DAB1: variants seen among roughly 807,000 people sequenced by gnomAD.
DAB1 encodes the protein disabled homolog 1.
A neutral mutation model predicts 64.6 loss-of-function variants in DAB1; 15 were observed. The ratio of observed to expected loss-of-function variants is 0.23; its 90% CI spans 0.16 to 0.36. DAB1 has a LOEUF of 0.36. Ranked by LOEUF, DAB1 falls within the 10% of genes least tolerant of loss-of-function variation. DAB1 has a pLI of 1.00. For synonymous variants in DAB1, 235 were observed against 251.9 expected (o/e 0.93, Z 0.64); for missense variants, 596 against 706.7 (o/e 0.84, Z 1.78).
intron 7 of DAB1, among the ~76,000 whole-genome samples, chr1:57,481,991 A>G (rs1202182940): frequency 6.6e-6 from 1 of 152,076 alleles, no homozygotes; most frequent in Non-Finnish European, 1.5e-5. Context: ...TTTTTAGGAT[A>G]CATTTGTTTT....
chr1:58,048,857 T>A, intron 5 of DAB1: 1 of 990,176 alleles, frequency 1.0e-6, no homozygotes, highest in Non-Finnish European at 1.6e-6. Flanking sequence ...GCAAAGCCCC[T>A]TTTTCTTTGC....
chr1:57,806,544 GC>G (rs1651371995), intron 6 of DAB1, among the ~76,000 whole-genome samples: 1 of 152,144 alleles, frequency 6.6e-6, no homozygotes, highest in South Asian at 2.1e-4. Flanking sequence ...TCTCCTCACT[GC>G]CCTCAAAAGA....
chr1:57,723,035 A>G (rs867781992), intron 6 of DAB1, among the ~76,000 whole-genome samples: 22 of 152,306 alleles, frequency 1.4e-4, no homozygotes, highest in African/African-American at 5.1e-4. Flanking sequence ...CTGCTGGATA[A>G]AAACCAAGCT....
At chr1:58,049,444 A>AG in intron 5 of DAB1, 2 of 346,862 alleles carry the variant, frequency 5.8e-6, no homozygotes, top group Non-Finnish European at 1.1e-5. Context: ...CCACATTGAA[A>AG]GGTTCTATGG....
intron 3 of DAB1, among the ~76,000 whole-genome samples, chr1:58,455,105 G>A (rs1045173212): frequency 2.0e-5 from 3 of 152,258 alleles, no homozygotes; most frequent in Non-Finnish European, 4.4e-5. Flanking sequence ...GCCGCTCTGA[G>A]TGAGAGCAAG....
intron 6 of DAB1, among the ~76,000 whole-genome samples, chr1:57,778,033 C>T (rs2101839109): frequency 6.6e-6 from 1 of 152,208 alleles, no homozygotes; most frequent in Non-Finnish European, 1.5e-5. Flanking sequence ...ATGGAGTCTT[C>T]ATTGAAATAT....
intron 6 of DAB1, among the ~76,000 whole-genome samples, chr1:57,794,706 T>G (rs1179958266): frequency 6.6e-6 from 1 of 152,186 alleles, no homozygotes; most frequent in Admixed American, 6.5e-5. Context: ...CCCAAGAAAA[T>G]AGTGACCATA....
intron 3 of DAB1, among the ~76,000 whole-genome samples, chr1:58,491,726 A>G (rs1160740892): frequency 6.6e-6 from 1 of 152,232 alleles, no homozygotes; most frequent in South Asian, 2.1e-4. Flanking sequence ...TATCCTAAAT[A>G]TATATGCACC....
intron 4 of DAB1, among the ~76,000 whole-genome samples, chr1:58,217,281 A>G (rs1658906670): frequency 1.3e-5 from 2 of 152,182 alleles, no homozygotes; most frequent in Non-Finnish European, 2.9e-5. Flanking sequence ...TTCTCAGACT[A>G]CAGGTGAGTA....
intron 3 of DAB1, among the ~76,000 whole-genome samples, chr1:58,352,420 C>T (rs1441304746): frequency 1.3e-5 from 2 of 152,068 alleles, no homozygotes; most frequent in African/African-American, 2.4e-5. Context: ...TAGTCACCTG[C>T]TAATATGGTC....
intron 7 of DAB1, among the ~76,000 whole-genome samples, chr1:57,634,664 T>C (rs1214000669): frequency 1.3e-5 from 2 of 152,214 alleles, no homozygotes; most frequent in South Asian, 2.1e-4. Flanking sequence ...AAATGTTTAT[T>C]GTGCATCTTT....
chr1:58,118,469 CATATAT>C lies in DAB1; in HGVS notation n.387+32036_387+32041del, dbSNP rs370100684. Among the ~76,000 whole-genome samples, 49 of 22,036 alleles carry C rather than the reference CATATAT, an allele frequency of 2.2e-3. 1 individual carries two copies. The East Asian group carries it at 0.025, about 11-fold the overall frequency. The allele number at this position is 22,036 out of a possible 152,430, so 14.5% of individuals were successfully genotyped here. A position where few individuals can be genotyped will look rare whatever the true frequency, so the allele number is the denominator to read the frequency against. On this transcript the variant is annotated intron_variant and non_coding_transcript_variant, in intron 5 of 20. Coordinates refer to the DAB1 transcript ENST00000485760. ...CATGATGCCAGGCACTATCCTAAGG[CATATAT>C]ATATATATATATATATATATATATA...
chr1:58,033,721 A>T (rs1198241360), intron 5 of DAB1, among the ~76,000 whole-genome samples: 1 of 152,170 alleles, frequency 6.6e-6, no homozygotes, highest in African/African-American at 2.4e-5. Flanking sequence ...GTGACATTAA[A>T]TTTTCCTAAG....
intron 2 of DAB1, among the ~76,000 whole-genome samples, chr1:57,208,915 C>G (rs1665798961): frequency 6.6e-6 from 1 of 152,160 alleles, no homozygotes; most frequent in Non-Finnish European, 1.5e-5. Context: ...TGCGTTCAGG[C>G]CAAGACACAA....
chr1:57,033,225 G>T (rs941789930), intron 9 of DAB1, among the ~76,000 whole-genome samples: 27 of 152,014 alleles, frequency 1.8e-4, no homozygotes, highest in Non-Finnish European at 3.4e-4. Flanking sequence ...CTGACCTCAT[G>T]GCAGGGCCCA....
chr1:57,590,679 G>T (rs1428834284), intron 7 of DAB1, among the ~76,000 whole-genome samples: 1 of 150,978 alleles, frequency 6.6e-6, no homozygotes, highest in Non-Finnish European at 1.5e-5. Context: ...GTCATGCTGG[G>T]GGTTAGGGCT....
At chr1:58,145,515 G>T (rs1319932734) in intron 5 of DAB1, among the ~76,000 whole-genome samples, 2 of 152,208 alleles carry the variant, frequency 1.3e-5, no homozygotes, top group Admixed American at 6.5e-5. Flanking sequence ...ATAACTGATG[G>T]TAGTGGTGGT....
intron 7 of DAB1, among the ~76,000 whole-genome samples, chr1:57,538,742 C>G (rs1380915113): frequency 1.3e-5 from 2 of 152,138 alleles, no homozygotes; most frequent in African/African-American, 4.8e-5. Flanking sequence ...AGTTGAACTT[C>G]CCCTGTCTGT....
chr1:58,097,721 A>G (rs569548299), intron 5 of DAB1, among the ~76,000 whole-genome samples: 1 of 152,308 alleles, frequency 6.6e-6, no homozygotes, highest in Admixed American at 6.5e-5. Context: ...TGTTGGTACC[A>G]GATGGAGTTA....
Sources: allele counts gnomAD v4.1 joint callset (sites outside exome capture counted in the v4.1 genomes callset), GRCh38; gene constraint gnomAD v4.1.1; transcripts MANE v1.5; gene names NCBI Gene and HGNC (gene_info 2026-07-23, HGNC 2026-07-21).